The following KALRN variants were observed in gnomAD, a reference collection of about 807,000 sequenced individuals.
KALRN encodes kalirin RhoGEF kinase.
Under a neutral mutation model 353.7 loss-of-function variants are expected in KALRN, and 70 were observed. That is an observed-to-expected ratio of 0.20 (90% CI 0.16 to 0.24). The LOEUF (loss-of-function observed/expected upper bound fraction) is 0.24, where lower values mean the gene tolerates loss of function less well. KALRN is among the 10% of genes least tolerant of loss of function. The pLI, the probability that KALRN is intolerant of heterozygous loss-of-function variation, is 1.00. For missense variants in KALRN, 2,791 were observed against 3,756.7 expected, an observed-to-expected ratio of 0.74 and a Z score of 6.72; for synonymous variants, 1,391 against 1,434.8, an observed-to-expected ratio of 0.97 and a Z score of 0.69.
intron 14 of KALRN, among the ~76,000 whole-genome samples, chr3:124,414,550 T>G (rs1185721645): frequency 6.6e-6 from 1 of 152,208 alleles, no homozygotes; most frequent in Admixed American, 6.5e-5. Flanking sequence ...TAACTTCTTT[T>G]CCTGCTCAAG....
At chr3:124,041,425 C>T (rs1252841732) in intron 1 of KALRN, among the ~76,000 whole-genome samples, 1 of 152,180 alleles carries the variant, frequency 6.6e-6, no homozygotes, top group East Asian at 1.9e-4. Flanking sequence ...CTCTAAGTGC[C>T]TCTTCTGACA....
intron 54 of KALRN, among the ~76,000 whole-genome samples, chr3:124,697,227 C>G (rs898713596): frequency 3.3e-5 from 5 of 152,190 alleles, no homozygotes; most frequent in African/African-American, 1.2e-4. Context: ...TATAAGGGCT[C>G]CCTGCGACCT....
intron 33 of KALRN, among the ~76,000 whole-genome samples, chr3:124,512,964 C>G (rs1205492796): frequency 6.6e-6 from 1 of 152,138 alleles, no homozygotes; most frequent in Non-Finnish European, 1.5e-5. Context: ...GGGGTCCACC[C>G]TCTGCATGAA....
At chr3:124,301,718 T>C (rs1219840324) in intron 6 of KALRN, among the ~76,000 whole-genome samples, 1 of 152,216 alleles carries the variant, frequency 6.6e-6, no homozygotes, top group African/African-American at 2.4e-5. Context: ...GAAACACATG[T>C]ATGCAAGTGG....
chr3:124,188,023 A>G (rs1425562988), intron 1 of KALRN, among the ~76,000 whole-genome samples: 1 of 152,206 alleles, frequency 6.6e-6, no homozygotes. Context: ...GAAGCAAACC[A>G]ACAACATACA....
At chr3:124,366,373 C>A (rs970311879) in intron 10 of KALRN, among the ~76,000 whole-genome samples, 33 of 147,496 alleles carry the variant, frequency 2.2e-4, no homozygotes, top group African/African-American at 2.5e-5. Flanking sequence ...GTTTGTGTCC[C>A]TGATTACTTG....
chr3:124,550,649 T>G (rs1333249156), intron 33 of KALRN, among the ~76,000 whole-genome samples: 1 of 152,142 alleles, frequency 6.6e-6, no homozygotes, highest in East Asian at 1.9e-4. Context: ...CCACTAGACC[T>G]CTGCCTTTAC....
intron 1 of KALRN, among the ~76,000 whole-genome samples, chr3:124,200,567 T>C (rs1550748): frequency 0.39 from 58,569 of 152,074 alleles, 11,806 homozygotes; most frequent in East Asian, 0.54. Context: ...CATCACGTCG[T>C]ACTTAGAATT....
At chr3:124,644,529 A>G (rs2082468197) in intron 37 of KALRN, among the ~76,000 whole-genome samples, 1 of 150,732 alleles carries the variant, frequency 6.6e-6, no homozygotes, top group African/African-American at 2.4e-5. Flanking sequence ...CCCTGTGTCT[A>G]TGTGTTCTCA....
intron 33 of KALRN, among the ~76,000 whole-genome samples, chr3:124,548,345 T>C (rs531444435): frequency 6.6e-6 from 1 of 152,328 alleles, no homozygotes; most frequent in South Asian, 2.1e-4. Context: ...TTTTGGAGGG[T>C]CTGCCATCTT....
At chr3:124,696,366 G>C (rs549448275) in intron 54 of KALRN, 111 bp downstream of exon 54, 1 of 972,346 alleles carries the variant, frequency 1.0e-6, no homozygotes, top group East Asian at 2.8e-5. Flanking sequence ...GACCTCCCAG[G>C]CTCAAGCACT....
rs577261732 is a variant in KALRN, at chr3:124,490,068, G to C, written c.4397-626G>C. On this transcript the variant is annotated intron_variant, in intron 29 of 59. Transcript: ENST00000682506. ...GATCACTTGAGCTCAAGACCAGCCT[G>C]GGCAACATAGGGAGACCTTGTCTCT... Among the ~76,000 whole-genome samples the C allele has an allele frequency of 1.8e-3, 269 of 152,212 alleles. 1 individual carries two copies. Among genetic ancestry groups the C allele is most frequent in the Non-Finnish European group, 2.9e-3 (195 of 67,998 alleles).
intron 6 of KALRN, among the ~76,000 whole-genome samples, chr3:124,306,365 A>G (rs768121568): frequency 2.6e-5 from 4 of 152,188 alleles, no homozygotes; most frequent in Non-Finnish European, 4.4e-5. Flanking sequence ...GAGAGGCTCA[A>G]TGTAGATTTG....
At chr3:124,428,450 A>G (rs1291254309) in intron 15 of KALRN, among the ~76,000 whole-genome samples, 1 of 152,194 alleles carries the variant, frequency 6.6e-6, no homozygotes, top group African/African-American at 2.4e-5. Flanking sequence ...CTTATTTTAC[A>G]GATGAGAAAA....
intron 26 of KALRN, 76 bp downstream of exon 26, chr3:124,474,808 G>A (rs2061288399): frequency 1.8e-6 from 2 of 1,103,808 alleles, no homozygotes; most frequent in Admixed American, 3.4e-5. Flanking sequence ...AAGGACTGGA[G>A]TCATTGCCAG....
chr3:124,499,679 C>A (rs1338298047), intron 33 of KALRN, among the ~76,000 whole-genome samples: 1 of 152,188 alleles, frequency 6.6e-6, no homozygotes, highest in Non-Finnish European at 1.5e-5. Flanking sequence ...CCCTTAGAAT[C>A]TAAGGTTTGG....
At chr3:124,319,887 A>G (rs1044778547) in intron 6 of KALRN, among the ~76,000 whole-genome samples, 1 of 151,982 alleles carries the variant, frequency 6.6e-6, no homozygotes, top group Non-Finnish European at 1.5e-5. Flanking sequence ...GCAGCTACTC[A>G]GGAGGCTGAG....
intron 48 of KALRN, 110 bp downstream of exon 48, chr3:124,672,008 G>A: frequency 1.2e-6 from 1 of 832,318 alleles, no homozygotes; most frequent in Non-Finnish European, 2.0e-6. Context: ...GAGTGCAATG[G>A]CACCATCTCA....
At chr3:124,563,395 G>A (rs957277698) in intron 34 of KALRN, among the ~76,000 whole-genome samples, 3 of 152,050 alleles carry the variant, frequency 2.0e-5, no homozygotes, top group African/African-American at 7.2e-5. Flanking sequence ...CACTACATTC[G>A]GGAAAGTCCT....
Sources: allele counts gnomAD v4.1 joint callset (sites outside exome capture counted in the v4.1 genomes callset), GRCh38; gene constraint gnomAD v4.1.1; transcripts MANE v1.5; gene names NCBI Gene and HGNC (gene_info 2026-07-23, HGNC 2026-07-21).